Variants in A1CF observed in about 807,000 individuals in gnomAD.
A1CF encodes APOBEC-1 stimulating protein.
In A1CF, 48 loss-of-function variants were observed where a neutral mutation model predicts 68.9. That is an observed-to-expected ratio of 0.70 (90% CI 0.55 to 0.89). The LOEUF (loss-of-function observed/expected upper bound fraction) is 0.89. Ranked by LOEUF, A1CF falls within the 40% of genes least tolerant of loss-of-function variation. The probability of loss-of-function intolerance (pLI) is 0.00; values close to 1 mark genes in which losing one functional copy is unlikely to be tolerated. For synonymous variants in A1CF, 272 were observed against 260.4 expected (o/e 1.04, Z -0.43); for missense variants, 653 against 718.9 (o/e 0.91, Z 1.05).
chr10:50,878,677 T>A (rs1841630450), intron 1 of A1CF, among the ~76,000 whole-genome samples: 1 of 152,216 alleles, frequency 6.6e-6, no homozygotes, highest in Admixed American at 6.5e-5. Context: ...CGGCTTGTTT[T>A]TAAATGTCAG....
intron 5 of A1CF, among the ~76,000 whole-genome samples, chr10:50,836,594 G>A (rs1427545123): frequency 2.0e-5 from 3 of 151,516 alleles, no homozygotes; most frequent in Non-Finnish European, 4.4e-5. Flanking sequence ...CAACATGCAG[G>A]TTTGTTACAT....
chr10:50,868,380 T>C (rs1193357923), intron 1 of A1CF, among the ~76,000 whole-genome samples: 2 of 152,220 alleles, frequency 1.3e-5, no homozygotes, highest in African/African-American at 4.8e-5. Context: ...ACAATTGATC[T>C]TAAGTCTATT....
rs1837520798 is a variant in A1CF at position 50,799,641 on chromosome 10, G to A, written c.*7088C>T. Reference sequence around the variant, plus strand: ...AAGTTCTATAAAACATTGTACTAAAGTACAAAAATAAGTGCTTTATGCACA... The same window carrying A: ...AAGTTCTATAAAACATTGTACTAAAATACAAAAATAAGTGCTTTATGCACA... On this transcript the variant is annotated 3_prime_UTR_variant, in exon 13 of 13. Transcript: ENST00000373997. 1 of 151,950 alleles carries A rather than the reference G, an allele frequency of 6.6e-6. No individual in the cohort carries two copies. The highest frequency in any genetic ancestry group is 2.4e-5 in the African/African-American group (1 of 41,386). The allele number at this position is 151,950 out of a possible 1,614,324, so 9.4% of individuals were successfully genotyped here.
chr10:50,853,846 A>G (rs1840360966), intron 3 of A1CF, among the ~76,000 whole-genome samples: 1 of 151,016 alleles, frequency 6.6e-6, no homozygotes, highest in African/African-American at 2.4e-5. Context: ...ATATCTTGCA[A>G]TTACTACATA....
Position 50,836,286 on chromosome 10 carries a change from G to C in A1CF, c.392C>G (p.Ala131Gly), listed in dbSNP as rs866600247. ...IRNGRLLGVC[A>G]SVDNCRLFVG... ...AAATAATCGGCAGTTGTCCACACTG[G>C]CACAAACCCCTAAGAGGCGCCCATT... Residue 131 changes from alanine to glycine, a missense_variant, in exon 6 of 13, where the codon GCC (alanine) becomes GGC (glycine). Ala to Gly is a moderately conservative substitution (Grantham distance 60). Transcript: ENST00000373997. 12 of 1,613,794 alleles carry C rather than the reference G, an allele frequency of 7.4e-6. No homozygotes were observed. The highest frequency in any genetic ancestry group is 1.0e-5 in the Non-Finnish European group (12 of 1,179,834).
intron 3 of A1CF, among the ~76,000 whole-genome samples, chr10:50,854,719 A>C (rs900641650): frequency 6.6e-6 from 1 of 151,934 alleles, no homozygotes; most frequent in Non-Finnish European, 1.5e-5. Context: ...TAATCCCGAG[A>C]CCCAGCACTA....
intron 3 of A1CF, among the ~76,000 whole-genome samples, chr10:50,851,178 C>G (rs1204068396): frequency 2.0e-5 from 3 of 152,174 alleles, no homozygotes; most frequent in African/African-American, 4.8e-5. Context: ...AGCTGAGGGA[C>G]TTGGCAAGGC....
intron 9 of A1CF, 79 bp from the exon 10 acceptor site, chr10:50,814,117 A>C: frequency 6.5e-6 from 10 of 1,532,390 alleles, no homozygotes; most frequent in Non-Finnish European, 8.9e-6. Flanking sequence ...ATCACCCTGA[A>C]TCTTACTGTA....
intron 3 of A1CF, chr10:50,850,732 G>C: frequency 6.2e-7 from 1 of 1,614,142 alleles, no homozygotes; most frequent in East Asian, 2.2e-5. Flanking sequence ...GCCAGGAATT[G>C]CTGTGCTCAT....
rs1307284740 is a variant in A1CF at position 50,820,579 on chromosome 10, A to C, written c.840T>G (p.Val280=). The C allele has an allele frequency of 6.2e-7, 1 of 1,613,338 alleles. No individual in the cohort carries two copies. Among genetic ancestry groups the C allele is most frequent in the Non-Finnish European group, 8.5e-7 (1 of 1,179,738 alleles). The change falls in exon 8 of 13, where the codon GTT becomes GTG. Residue 280 remains valine (V), a synonymous_variant. Transcript: ENST00000373997. ...TGCCATTTAAAGCTTTCATAGCCTC[A>C]ACTGCATCTTCTCGGTTACTGAAGT... is the stretch of plus-strand genomic sequence containing the variant. ...FVHFSNREDA[V]EAMKALNGKV... is the part of the protein sequence containing the mutation.
At chr10:50,837,952 A>G (rs1839586953) in intron 5 of A1CF, among the ~76,000 whole-genome samples, 1 of 152,378 alleles carries the variant, frequency 6.6e-6, no homozygotes, top group Admixed American at 6.5e-5. Context: ...ACAATAAAAT[A>G]TCAACATAGT....
At chr10:50,846,654 T>C (rs1157049153) in intron 3 of A1CF, among the ~76,000 whole-genome samples, 1 of 152,240 alleles carries the variant, frequency 6.6e-6, no homozygotes, top group Non-Finnish European at 1.5e-5. Flanking sequence ...TTGACCTGTT[T>C]AAATATATCT....
At chr10:50,868,023 A>C (rs1841076695) in intron 1 of A1CF, among the ~76,000 whole-genome samples, 1 of 152,210 alleles carries the variant, frequency 6.6e-6, no homozygotes, top group African/African-American at 2.4e-5. Context: ...GGGCCCGTAC[A>C]GTGAGGTGCT....
At chr10:50,866,395 G>A (rs548196681) in intron 1 of A1CF, among the ~76,000 whole-genome samples, 66 of 152,230 alleles carry the variant, frequency 4.3e-4, no homozygotes, top group Non-Finnish European at 7.3e-4. Flanking sequence ...TTGAGAGGCA[G>A]AGAGGGATTG....
At chr10:50,826,895 A>G (rs1180284299) in intron 7 of A1CF, among the ~76,000 whole-genome samples, 1 of 152,144 alleles carries the variant, frequency 6.6e-6, no homozygotes, top group African/African-American at 2.4e-5. Flanking sequence ...CCCATCTCAC[A>G]TGCAGAGACA....
At chr10:50,814,784 G>GT (rs1239266615) in intron 9 of A1CF, among the ~76,000 whole-genome samples, 3 of 151,388 alleles carry the variant, frequency 2.0e-5, no homozygotes, top group East Asian at 3.9e-4. Flanking sequence ...AGTGGAGTTT[G>GT]TTTTTTTTCG....
intron 1 of A1CF, among the ~76,000 whole-genome samples, chr10:50,879,211 G>A (rs1016300238): frequency 6.6e-6 from 1 of 152,148 alleles, no homozygotes. Context: ...TTCTGAATTA[G>A]GTCAGTTTAA....
Position 50,814,100 on chromosome 10 carries a change from CCA to C in A1CF, c.1142-64_1142-63del, listed in dbSNP as rs773899752. 9.5e-6 allele frequency: 15 copies of C among 1,578,694 alleles called. No homozygotes were observed. In the African/African-American group the frequency reaches 1.6e-4, roughly 17 times the overall value. ...GAAGGCATTAAACTGAATCAAACCA[CCA>C]GAAAATCACCCTGAATCTTACTGTA... On this transcript the variant is annotated intron_variant, in intron 9 of 12. Coordinates refer to ENST00000373997, the MANE Select transcript of A1CF (RefSeq NM_014576.4).
chr10:50,859,924 T>C lies in A1CF; in HGVS notation c.17A>G (p.Lys6Arg). The C allele has an allele frequency of 1.2e-6, 2 of 1,613,914 alleles. No individual in the cohort carries two copies. The highest frequency in any genetic ancestry group is 1.7e-6 in the Non-Finnish European group (2 of 1,179,918). Reference sequence around the variant, plus strand: ...AGTGCCGCTCAATCCATCCCCGGATTTGTGATTTGATTCCATTGAGAGTGA... The same window carrying C: ...AGTGCCGCTCAATCCATCCCCGGATCTGTGATTTGATTCCATTGAGAGTGA... MESNH[K>R]SGDGLSGTQK... Residue 6 changes from lysine to arginine, a missense_variant, in exon 3 of 13, where the codon AAA (lysine) becomes AGA (arginine). Lys to Arg is a conservative substitution (Grantham distance 26). Coordinates refer to ENST00000373997, the MANE Select transcript of A1CF (RefSeq NM_014576.4).
Sources: gnomAD v4.1 joint callset for allele counts (sites outside exome capture counted in the v4.1 genomes callset) on GRCh38, gnomAD v4.1.1 for gene constraint, MANE v1.5 for transcripts, NCBI Gene and HGNC (gene_info 2026-07-23, HGNC 2026-07-21) for gene names.